ABCB9: variants seen among roughly 807,000 people sequenced by gnomAD.
ABCB9 encodes the protein ABC-type oligopeptide transporter ABCB9.
In ABCB9, 36 loss-of-function variants were observed where a neutral mutation model predicts 62.0. The ratio of observed to expected loss-of-function variants is 0.58; its 90% CI spans 0.45 to 0.77. The LOEUF (loss-of-function observed/expected upper bound fraction) is 0.77, where lower values mean the gene tolerates loss of function less well. Among genes scored for constraint, ABCB9 ranks in the 30% least tolerant of loss-of-function variants. The probability of loss-of-function intolerance (pLI) is 0.00; values close to 1 mark genes in which losing one functional copy is unlikely to be tolerated. For missense variants in ABCB9, 943 were observed against 1,054.7 expected (o/e 0.89, Z 1.47); for synonymous variants, 435 against 461.4 (o/e 0.94, Z 0.73).
Position 122,959,811 on chromosome 12 carries a change from G to A in ABCB9, c.425C>T (p.Pro142Leu). The A allele has an allele frequency of 6.2e-7, 1 of 1,612,644 alleles. No homozygotes were observed. Reference protein sequence around the residue: ...LLWWLLSTVRPGTQALEPGAA... With the variant: ...LLWWLLSTVRLGTQALEPGAA... The stretch of plus-strand genomic sequence containing the variant: ...CCCTGGCTCCAGGGCCTGGGTGCCT[G>A]GCCGCACGGTGGACAGCAGCCACCA... The change falls in exon 2 of 12, where the codon CCA becomes CTA. Residue 142 changes from proline (P) to leucine (L), a missense_variant. Physicochemically the swap from Pro to Leu is moderately conservative, Grantham distance 98. Transcript: ENST00000280560. This position sits in a 1 kb window ranked among gnomAD's most constrained non-coding sequence, Gnocchi z 5.4.
intron 2 of ABCB9, among the ~76,000 whole-genome samples, chr12:122,953,453 T>C (rs1257050090): frequency 5.9e-5 from 9 of 152,168 alleles, no homozygotes. Flanking sequence ...ATTGGCACGA[T>C]TTCAGCTCGC....
Position 122,964,829 on chromosome 12 carries a change from A to C in ABCB9, c.-88+1458T>G, listed in dbSNP as rs540980151. On this transcript the variant is annotated intron_variant, in intron 1 of 11. Transcript: ENST00000280560. The surrounding 1 kb of genome is among the most constrained non-coding windows in gnomAD (Gnocchi z 4.7). Reference sequence around the variant, plus strand: ...GGCTCGCCCTGACTCCGTGCACTAAAGAATGGCACAGGATAAGCAAGTGGC... The same window carrying C: ...GGCTCGCCCTGACTCCGTGCACTAACGAATGGCACAGGATAAGCAAGTGGC... Among the ~76,000 whole-genome samples, 4 of 152,350 alleles carry C rather than the reference A, an allele frequency of 2.6e-5. No individual in the cohort carries two copies. In the East Asian group the frequency reaches 7.7e-4, roughly 29 times the overall value.
rs944562404 is a variant in ABCB9 at position 122,932,884 on chromosome 12, G to T, written c.1904-556C>A. ...CTCAAATGTCCATCAATAGGAAATT[G>T]AGTCAATCAATTATTATTATTTTAG... is the stretch of plus-strand genomic sequence containing the variant. On this transcript the variant is annotated intron_variant, in intron 10 of 11. Transcript: ENST00000280560. This position sits in a 1 kb window ranked among gnomAD's most constrained non-coding sequence, Gnocchi z 4.7. 2.0e-5 allele frequency among the ~76,000 whole-genome samples: 3 copies of T among 152,156 alleles called. No individual in the cohort carries two copies. Among genetic ancestry groups the T allele is most frequent in the Non-Finnish European group, 4.4e-5 (3 of 68,044 alleles).
chr12:122,962,684 C>T (rs1034262200), intron 1 of ABCB9, among the ~76,000 whole-genome samples: 4 of 152,208 alleles, frequency 2.6e-5, no homozygotes, highest in African/African-American at 9.6e-5. Flanking sequence ...CTGTCTACTG[C>T]ATGCCTGGCA....
At chr12:122,921,031 T>C in exon 12 of ABCB9, 1 of 1,535,426 alleles carries the variant, frequency 6.5e-7, no homozygotes, top group Non-Finnish European at 8.7e-7. Flanking sequence ...ATCTGCAGGC[T>C]GGTCATTCAG....
chr12:122,932,157 C>T lies in ABCB9; in HGVS notation c.2040+35G>A. On this transcript the variant is annotated intron_variant, in intron 11 of 11. Transcript: ENST00000280560. This position sits in a 1 kb window ranked among gnomAD's most constrained non-coding sequence, Gnocchi z 4.7. ...GGGGCTCTGGCCACCTGGAGCCGCT[C>T]CTGCCCCCGCATTGCCCACCACCCT... 6.4e-7 allele frequency: 1 copy of T among 1,550,878 alleles called. No individual in the cohort carries two copies. Among genetic ancestry groups the T allele is most frequent in the Non-Finnish European group, 8.7e-7 (1 of 1,147,216 alleles).
At position 122,942,814 on chromosome 12, in the gene ABCB9, TAATA is replaced by T. The variant is rs1338797140; in HGVS notation, c.1380+1573_1380+1576del. 2.0e-5 allele frequency among the ~76,000 whole-genome samples: 3 copies of T among 152,122 alleles called. No homozygotes were observed. The East Asian group carries it at 5.8e-4, about 29-fold the overall frequency. On this transcript the variant is annotated intron_variant, in intron 7 of 11. Coordinates refer to ENST00000280560, the MANE Select transcript of ABCB9 (RefSeq NM_019625.4). The stretch of plus-strand genomic sequence containing the variant: ...GTGAGACTGTCTCAAATAGTAATGA[TAATA>T]AATAAACAACACTGCACTGAACATC...
At chr12:122,927,404 T>A (rs898136825), downstream of ABCB9, among the ~76,000 whole-genome samples, 5 of 152,180 alleles carry the variant, frequency 3.3e-5, no homozygotes, top group African/African-American at 9.7e-5. Context: ...ACTCCTGACC[T>A]CGTGATCCAC....
chr12:122,924,870 C>T (rs923042320), downstream of ABCB9: 155 of 1,524,682 alleles, frequency 1.0e-4, no homozygotes, highest in Non-Finnish European at 1.3e-4. Flanking sequence ...AGAAAAAAGT[C>T]AGCTTTAAAA....
intron 4 of ABCB9, 176 bp from the exon 5 acceptor site, chr12:122,949,005 C>T (rs2036209183): frequency 3.8e-6 from 2 of 532,760 alleles, no homozygotes; most frequent in South Asian, 5.4e-5. Flanking sequence ...CTGAGCCAAT[C>T]CCAGTCATCA....
rs557821161 is a variant in ABCB9 at position 122,947,224 on chromosome 12, C to T, written c.1054-1002G>A. On this transcript the variant is annotated intron_variant, in intron 5 of 11. Coordinates refer to ENST00000280560, the MANE Select transcript of ABCB9 (RefSeq NM_019625.4). This position sits in a 1 kb window ranked among gnomAD's most constrained non-coding sequence, Gnocchi z 6.0. ...CCATCCCAGGGGCTGGTGGGAAGGCCGGAAGCAAGGGGTGGGGAGCAGCGT... is the reference window on the plus strand; with the variant it reads ...CCATCCCAGGGGCTGGTGGGAAGGCTGGAAGCAAGGGGTGGGGAGCAGCGT... Among the ~76,000 whole-genome samples the T allele has an allele frequency of 3.2e-4, 49 of 152,252 alleles. No individual in the cohort carries two copies. The highest frequency in any genetic ancestry group is 3.4e-3 in the Middle Eastern group (1 of 294).
chr12:122,928,942 G>T, downstream of ABCB9: 1 of 959,710 alleles, frequency 1.0e-6, no homozygotes, highest in Non-Finnish European at 1.2e-6. Flanking sequence ...TGGTCTGGTG[G>T]AAAAACCTAA....
Position 122,948,629 on chromosome 12 carries a change from A to T in ABCB9, c.1048T>A (p.Tyr350Asn). ...CAGAGACAGGGCAGGCCTACCTTGT[A>T]GTACTTGCCGTAGATGTTGGACACC... is the stretch of plus-strand genomic sequence containing the variant. Reference protein sequence around the residue: ...MMVSNIYGKYYKRLSKEVQNA... With the variant: ...MMVSNIYGKYNKRLSKEVQNA... Residue 350 changes from tyrosine to asparagine, a missense_variant, in exon 5 of 12, where the codon TAC (tyrosine) becomes AAC (asparagine). By Grantham distance (143) the Tyr-to-Asn change is moderately radical (BLOSUM62 -2). Coordinates refer to ENST00000280560, the MANE Select transcript of ABCB9 (RefSeq NM_019625.4). 1 of 1,611,474 alleles carries T rather than the reference A, an allele frequency of 6.2e-7. No homozygotes were observed. The highest frequency in any genetic ancestry group is 8.5e-7 in the Non-Finnish European group (1 of 1,178,600).
upstream of ABCB9, among the ~76,000 whole-genome samples, chr12:122,970,009 T>C (rs73408892): frequency 0.045 from 6,809 of 152,240 alleles, 500 homozygotes; most frequent in African/African-American, 0.15. Flanking sequence ...AATCACACTC[T>C]GTGATATTTA....
Position 122,964,510 on chromosome 12 carries a change from G to A in ABCB9, c.-88+1777C>T, listed in dbSNP as rs1306355560. Among the ~76,000 whole-genome samples the A allele has an allele frequency of 3.9e-5, 6 of 152,222 alleles. No individual in the cohort carries two copies. The highest frequency in any genetic ancestry group is 1.4e-4 in the African/African-American group (6 of 41,460). On this transcript the variant is annotated intron_variant, in intron 1 of 11. Transcript: ENST00000280560. This position sits in a 1 kb window ranked among gnomAD's most constrained non-coding sequence, Gnocchi z 4.7. Reference sequence around the variant, plus strand: ...CCCAAGCACTAGTCCTTCTACCACAGACTCCTAGCAGAGTGGACTCCAGCC... The same window carrying A: ...CCCAAGCACTAGTCCTTCTACCACAAACTCCTAGCAGAGTGGACTCCAGCC...
Position 122,930,206 on chromosome 12 carries a change from C to G in ABCB9, c.2041-35G>C. 1.3e-6 allele frequency: 2 copies of G among 1,510,770 alleles called. No homozygotes were observed. Among genetic ancestry groups the G allele is most frequent in the Middle Eastern group, 1.7e-4 (1 of 5,828 alleles). 93.6% of individuals were successfully genotyped at this position (1,510,770 alleles called of 1,614,324 possible). A position where few individuals can be genotyped will look rare whatever the true frequency, so the allele number is the denominator to read the frequency against. On this transcript the variant is annotated intron_variant, in intron 11 of 11. Coordinates refer to ENST00000280560, the MANE Select transcript of ABCB9 (RefSeq NM_019625.4). The surrounding 1 kb of genome is among the most constrained non-coding windows in gnomAD (Gnocchi z 4.9). ...CAGTGGGGGCCTGGCTTGCATGGCA[C>G]GGACGCCCCACCCGCAACCGTGCTT...
Position 122,959,686 on chromosome 12 carries a change from C to A in ABCB9, c.550G>T (p.Asp184Tyr), listed in dbSNP as rs142515177. 1 of 1,591,870 alleles carries A rather than the reference C, an allele frequency of 6.3e-7. No homozygotes were observed. Among genetic ancestry groups the A allele is most frequent in the Non-Finnish European group, 8.6e-7 (1 of 1,163,702 alleles). ...GAGGCGGCCACGAGGAAGGCCACGT[C>A]GGGCTTGGTGTAGGAGAGCAGCTTC... ...LQKLLSYTKP[D>Y]VAFLVAASFF... Residue 184 changes from aspartate (D) to tyrosine (Y), a missense_variant, in exon 2 of 12, where the codon GAC (aspartate) becomes TAC (tyrosine). Transcript: ENST00000280560. The surrounding 1 kb of genome is among the most constrained non-coding windows in gnomAD (Gnocchi z 5.4).
downstream of ABCB9, among the ~76,000 whole-genome samples, chr12:122,927,377 G>T (rs2034935875): frequency 1.3e-5 from 2 of 152,046 alleles, no homozygotes; most frequent in African/African-American, 4.8e-5. Flanking sequence ...TTACCATGTT[G>T]GCCAGGCTGG....
chr12:122,958,031 G>A (rs778598653), intron 2 of ABCB9, among the ~76,000 whole-genome samples: 3 of 151,340 alleles, frequency 2.0e-5, no homozygotes, highest in Non-Finnish European at 2.9e-5. Context: ...TTAGCCAGAC[G>A]TGGTGGCAGG....
Sources: allele counts gnomAD v4.1 joint callset (sites outside exome capture counted in the v4.1 genomes callset), GRCh38; gene constraint gnomAD v4.1.1; non-coding constraint Gnocchi (gnomAD v3.1); transcripts MANE v1.5; gene names NCBI Gene and HGNC (gene_info 2026-07-23, HGNC 2026-07-21).